The following PGCKA1 variants were observed in gnomAD, a reference collection of about 807,000 sequenced individuals.
The protein encoded by PGCKA1 is PDCD10 and GCKIII kinases-associated protein 1.
the PGCKA1 span, among the ~76,000 whole-genome samples, chr4:37,499,653 T>G: frequency 6.6e-6 from 1 of 152,148 alleles, no homozygotes; most frequent in Non-Finnish European, 1.5e-5. Flanking sequence ...AATATCCCAT[T>G]GTCTTTTCTA....
chr4:37,560,769 A>C, the PGCKA1 span, among the ~76,000 whole-genome samples: 1 of 152,092 alleles, frequency 6.6e-6, no homozygotes, highest in African/African-American at 2.4e-5. Context: ...ATATCTGTAC[A>C]TCTTTCTAAG....
chr4:37,517,735 A>G, the PGCKA1 span, among the ~76,000 whole-genome samples: 84 of 152,296 alleles, frequency 5.5e-4, no homozygotes, highest in African/African-American at 1.8e-3. Context: ...CCCCTCGAGT[A>G]TTTATCCTTT....
chr4:37,484,624 C>T, the PGCKA1 span, among the ~76,000 whole-genome samples: 8,993 of 152,296 alleles, frequency 0.059, 934 homozygotes, highest in African/African-American at 0.2. Flanking sequence ...AACCATGCTT[C>T]TAACAGCCTG....
the PGCKA1 span, among the ~76,000 whole-genome samples, chr4:37,454,331 C>T: frequency 0.31 from 46,579 of 151,980 alleles, 7,437 homozygotes; most frequent in Middle Eastern, 0.38. Context: ...TAAAGCTTGG[C>T]GTTTAATTGG....
the PGCKA1 span, among the ~76,000 whole-genome samples, chr4:37,543,502 T>G: frequency 5.9e-5 from 9 of 151,802 alleles, no homozygotes; most frequent in African/African-American, 2.2e-4. Flanking sequence ...GTATAAATCT[T>G]TATCTTTGGG....
the PGCKA1 span, among the ~76,000 whole-genome samples, chr4:37,524,156 T>G: frequency 0.016 from 2,415 of 152,348 alleles, 63 homozygotes; most frequent in African/African-American, 0.055. Context: ...ATGAAGCCGT[T>G]TAAGAAAAGG....
the PGCKA1 span, among the ~76,000 whole-genome samples, chr4:37,525,919 G>A: frequency 2.6e-5 from 4 of 152,198 alleles, no homozygotes; most frequent in African/African-American, 9.6e-5. Flanking sequence ...GGACAGTGGA[G>A]TTGCATTTAT....
chr4:37,508,130 C>A, the PGCKA1 span, among the ~76,000 whole-genome samples: 1 of 151,958 alleles, frequency 6.6e-6, no homozygotes, highest in Non-Finnish European at 1.5e-5. Context: ...TATCCTTGAC[C>A]TTTGGGAAGG....
the PGCKA1 span, chr4:37,588,908 G>A: frequency 6.2e-7 from 1 of 1,608,602 alleles, no homozygotes; most frequent in East Asian, 2.2e-5. Flanking sequence ...AGGTAAAGCT[G>A]GAGAAATACT....
chr4:37,489,718 T>G, the PGCKA1 span, among the ~76,000 whole-genome samples: 1 of 152,188 alleles, frequency 6.6e-6, no homozygotes, highest in African/African-American at 2.4e-5. Context: ...CCAGTTGTTG[T>G]TGAAGACCTG....
chr4:37,585,929 T>C, the PGCKA1 span, among the ~76,000 whole-genome samples: 1 of 151,852 alleles, frequency 6.6e-6, no homozygotes, highest in African/African-American at 2.4e-5. Flanking sequence ...ATGTAGCCCT[T>C]ATTCCAGAAA....
the PGCKA1 span, among the ~76,000 whole-genome samples, chr4:37,524,738 T>G: frequency 6.6e-6 from 1 of 152,212 alleles, no homozygotes; most frequent in African/African-American, 2.4e-5. Flanking sequence ...GGTGTACTGC[T>G]TAGTAAAGAC....
the PGCKA1 span, among the ~76,000 whole-genome samples, chr4:37,522,542 G>A: frequency 8.5e-5 from 13 of 152,090 alleles, no homozygotes; most frequent in South Asian, 6.3e-4. Flanking sequence ...TGGAATCTGG[G>A]ACCCCAAGAG....
the PGCKA1 span, among the ~76,000 whole-genome samples, chr4:37,529,590 A>G: frequency 6.6e-6 from 1 of 152,200 alleles, no homozygotes; most frequent in Non-Finnish European, 1.5e-5. Context: ...CTTCCTCAAG[A>G]TTTTATCTGG....
chr4:37,573,786 G>A, the PGCKA1 span, among the ~76,000 whole-genome samples: 2 of 152,298 alleles, frequency 1.3e-5, no homozygotes, highest in Admixed American at 6.5e-5. Context: ...ATTATGCATA[G>A]TTTCCACTGT....
the PGCKA1 span, among the ~76,000 whole-genome samples, chr4:37,561,308 A>AACTCGCAG: frequency 1.3e-5 from 2 of 151,956 alleles, no homozygotes; most frequent in Non-Finnish European, 2.9e-5. Flanking sequence ...GCAACTCGCA[A>AACTCGCAG]GCCCCACCCT....
the PGCKA1 span, among the ~76,000 whole-genome samples, chr4:37,552,717 C>G: frequency 6.6e-6 from 1 of 152,092 alleles, no homozygotes; most frequent in Non-Finnish European, 1.5e-5. Flanking sequence ...AAAGGGTAAA[C>G]TCTTAGCAAG....
the PGCKA1 span, among the ~76,000 whole-genome samples, chr4:37,541,585 G>T: frequency 6.6e-6 from 1 of 152,160 alleles, no homozygotes; most frequent in East Asian, 1.9e-4. Flanking sequence ...TAGCCACATG[G>T]CCGCTGCCAT....
At chr4:37,592,400 G>A in the PGCKA1 span, among the ~76,000 whole-genome samples, 1 of 150,810 alleles carries the variant, frequency 6.6e-6, no homozygotes, top group Non-Finnish European at 1.5e-5. Flanking sequence ...TATACTCAAG[G>A]AAGGGACCGA....
Sources: allele counts gnomAD v4.1 joint callset (sites outside exome capture counted in the v4.1 genomes callset), GRCh38; gene constraint gnomAD v4.1.1; transcripts MANE v1.5; gene names NCBI Gene and HGNC (gene_info 2026-07-23, HGNC 2026-07-21).